PDE4B: variants seen among roughly 807,000 people sequenced by gnomAD.
PDE4B encodes 3',5'-cyclic-AMP phosphodiesterase 4B.
PDE4B carries 20 observed loss-of-function variants against 82.2 expected under a neutral mutation model. The ratio of observed to expected loss-of-function variants is 0.24; its 90% confidence interval spans 0.17 to 0.35. The LOEUF (loss-of-function observed/expected upper bound fraction) is 0.35. Ranked by LOEUF, PDE4B falls within the 10% of genes least tolerant of loss-of-function variation. The pLI, the probability that PDE4B is intolerant of heterozygous loss-of-function variation, is 1.00. For synonymous variants in PDE4B, 320 were observed against 318.9 expected (o/e 1.00, Z -0.04); for missense variants, 655 against 907.2 (o/e 0.72, Z 3.57).
chr1:65,984,490 AG>A (rs1391028507), intron 3 of PDE4B, among the ~76,000 whole-genome samples: 1 of 152,236 alleles, frequency 6.6e-6, no homozygotes, highest in African/African-American at 2.4e-5. Context: ...TAAATTAAAA[AG>A]TAAAACAAAA....
At chr1:65,959,606 T>C (rs1557459718) in intron 3 of PDE4B, among the ~76,000 whole-genome samples, 1 of 152,112 alleles carries the variant, frequency 6.6e-6, no homozygotes, top group Non-Finnish European at 1.5e-5. Flanking sequence ...TTTGCTCTAC[T>C]TAGATTTATT....
At chr1:66,178,363 A>C (rs777353633) in intron 3 of PDE4B, among the ~76,000 whole-genome samples, 1 of 152,124 alleles carries the variant, frequency 6.6e-6, no homozygotes, top group African/African-American at 2.4e-5. Context: ...ATTTTCATGA[A>C]AAAAATATTG....
At chr1:66,149,349 C>T (rs1003862774) in intron 3 of PDE4B, among the ~76,000 whole-genome samples, 6 of 152,144 alleles carry the variant, frequency 3.9e-5, no homozygotes, top group Middle Eastern at 3.4e-3. Context: ...ATTCTGGACA[C>T]AAGTATGTCT....
intron 12 of PDE4B, among the ~76,000 whole-genome samples, chr1:66,363,982 A>T (rs1416341917): frequency 1.3e-5 from 2 of 152,142 alleles, no homozygotes; most frequent in Non-Finnish European, 2.9e-5. Flanking sequence ...CTTACTATTA[A>T]AAGTATTTAA....
chr1:66,009,317 C>G (rs1459415642), intron 3 of PDE4B, among the ~76,000 whole-genome samples: 2 of 152,180 alleles, frequency 1.3e-5, no homozygotes, highest in Non-Finnish European at 2.9e-5. Context: ...CTGTTCTGAT[C>G]CAAGTAACCA....
At chr1:66,221,694 C>T (rs1651002247) in intron 3 of PDE4B, among the ~76,000 whole-genome samples, 1 of 152,082 alleles carries the variant, frequency 6.6e-6, no homozygotes, top group Non-Finnish European at 1.5e-5. Flanking sequence ...TTCTTTGGGG[C>T]TTTGATACAC....
chr1:66,312,804 G>A (rs141082513), intron 7 of PDE4B, among the ~76,000 whole-genome samples: 4 of 152,306 alleles, frequency 2.6e-5, no homozygotes, highest in Non-Finnish European at 4.4e-5. Context: ...TTTATGATCT[G>A]TGATGACCTT....
intron 7 of PDE4B, among the ~76,000 whole-genome samples, chr1:66,282,940 C>T (rs1440516059): frequency 1.3e-5 from 2 of 152,138 alleles, no homozygotes; most frequent in Non-Finnish European, 2.9e-5. Flanking sequence ...ACCTCTCCTA[C>T]CCTGACAAGA....
At chr1:65,984,984 A>T (rs974791198) in intron 3 of PDE4B, among the ~76,000 whole-genome samples, 4 of 152,152 alleles carry the variant, frequency 2.6e-5, no homozygotes, top group Admixed American at 6.6e-5. Context: ...GACAAATAAA[A>T]TTCTATTTTC....
chr1:65,993,508 T>A (rs537608952), intron 3 of PDE4B, among the ~76,000 whole-genome samples: 74 of 152,240 alleles, frequency 4.9e-4, no homozygotes, highest in African/African-American at 1.5e-3. Flanking sequence ...TTAGTGATTT[T>A]AAAAAAATAA....
chr1:65,843,313 T>C (rs1180965276), intron 1 of PDE4B, among the ~76,000 whole-genome samples: 1 of 152,158 alleles, frequency 6.6e-6, no homozygotes, highest in African/African-American at 2.4e-5. Context: ...AAAGATTCAT[T>C]TGCTGGCTTC....
chr1:65,873,667 C>G (rs1244877434), intron 1 of PDE4B, among the ~76,000 whole-genome samples: 1 of 151,704 alleles, frequency 6.6e-6, no homozygotes, highest in Non-Finnish European at 1.5e-5. Flanking sequence ...AAAAAGTAAC[C>G]CTTTTAGTTG....
chr1:66,020,715 T>G lies in PDE4B; in HGVS notation c.281+101880T>G, dbSNP rs529137940. 2.1e-4 allele frequency among the ~76,000 whole-genome samples: 32 copies of G among 152,334 alleles called. 1 individual carries two copies. The South Asian group carries it at 6.4e-3, about 31-fold the overall frequency. On this transcript the variant is annotated intron_variant, in intron 3 of 16. Coordinates refer to ENST00000341517, the MANE Select transcript of PDE4B (RefSeq NM_002600.4). ...CACATTTTCTTAATCCAGTCTATCA[T>G]TGATGGACATTTGGGTTGGTTCCAA...
intron 3 of PDE4B, among the ~76,000 whole-genome samples, chr1:66,061,401 A>G (rs1655576557): frequency 2.0e-5 from 3 of 151,918 alleles, no homozygotes; most frequent in Non-Finnish European, 1.5e-5. Flanking sequence ...AGTTCAGACT[A>G]TCTTTCCACT....
At chr1:66,249,551 A>G (rs937187251) in intron 4 of PDE4B, among the ~76,000 whole-genome samples, 3 of 152,104 alleles carry the variant, frequency 2.0e-5, no homozygotes, top group South Asian at 2.1e-4. Flanking sequence ...TCACAATCCA[A>G]CTGAATCTAC....
At chr1:66,040,001 GC>G (rs1227421945) in intron 3 of PDE4B, among the ~76,000 whole-genome samples, 1 of 152,012 alleles carries the variant, frequency 6.6e-6, no homozygotes, top group African/African-American at 2.4e-5. Flanking sequence ...AGAGGAAGGA[GC>G]CGGGATTCTT....
intron 7 of PDE4B, among the ~76,000 whole-genome samples, chr1:66,301,735 T>G (rs1329711652): frequency 6.6e-6 from 1 of 152,070 alleles, no homozygotes; most frequent in African/African-American, 2.4e-5. Flanking sequence ...CATGAATTCA[T>G]CCTATAGCTT....
At chr1:66,004,758 G>A (rs767871719) in intron 3 of PDE4B, among the ~76,000 whole-genome samples, 7 of 152,006 alleles carry the variant, frequency 4.6e-5, no homozygotes, top group Admixed American at 6.6e-5. Context: ...AGAGGCAGTG[G>A]AAAAGCACCT....
At chr1:65,858,996 C>T (rs530408886) in intron 1 of PDE4B, among the ~76,000 whole-genome samples, 1 of 152,104 alleles carries the variant, frequency 6.6e-6, no homozygotes, top group African/African-American at 2.4e-5. Flanking sequence ...ATGTTTTCTT[C>T]GGAGCTGTTT....
Sources: gnomAD v4.1 joint callset for allele counts (sites outside exome capture counted in the v4.1 genomes callset) on GRCh38, gnomAD v4.1.1 for gene constraint, MANE v1.5 for transcripts, NCBI Gene and HGNC (gene_info 2026-07-23, HGNC 2026-07-21) for gene names.